Variants in AFAP1 observed in about 807,000 individuals in gnomAD.
AFAP1 encodes actin filament-associated protein 1.
A neutral mutation model predicts 93.9 loss-of-function variants in AFAP1; 75 were observed. The observed-to-expected ratio is 0.80, with a 90% CI of 0.66 to 0.97. The LOEUF is 0.97. Ranked by LOEUF, AFAP1 falls within the 50% of genes least tolerant of loss-of-function variation. The probability of loss-of-function intolerance (pLI) is 0.00; values close to 1 mark genes in which losing one functional copy is unlikely to be tolerated. For missense variants in AFAP1, 1,201 were observed against 1,050.8 expected (o/e 1.14, Z -1.98); for synonymous variants, 517 against 430.7 (o/e 1.20, Z -2.48).
At chr4:7,904,303 T>C (rs1000655922) in intron 1 of AFAP1, among the ~76,000 whole-genome samples, 1 of 152,058 alleles carries the variant, frequency 6.6e-6, no homozygotes, top group African/African-American at 2.4e-5. Flanking sequence ...TCTCCACACA[T>C]GACAGACAGG....
At chr4:7,786,373 G>T in intron 11 of AFAP1, 62 bp from the exon 12 acceptor site, 1 of 1,372,746 alleles carries the variant, frequency 7.3e-7, no homozygotes, top group Non-Finnish European at 1.0e-6. Context: ...AATCAGTCAA[G>T]TCTTTAATGA....
chr4:7,761,278 A>G lies in AFAP1; in HGVS notation c.*2487T>C, dbSNP rs1713752337. ...AAGGAACCCACTGTCAGGCCCCTCC[A>G]GGGCACCCATTTTGAAAGGCTCCAT... On this transcript the variant is annotated 3_prime_UTR_variant, in exon 18 of 18. Coordinates refer to ENST00000420658, the MANE Select transcript of AFAP1 (RefSeq NM_001134647.2). 1 of 152,264 alleles carries G rather than the reference A, an allele frequency of 6.6e-6. No homozygotes were observed. Among genetic ancestry groups the G allele is most frequent in the Admixed American group, 6.5e-5 (1 of 15,286 alleles). The allele number at this position is 152,264 out of a possible 1,614,324, so 9.4% of individuals were successfully genotyped here.
intron 1 of AFAP1, among the ~76,000 whole-genome samples, chr4:7,898,394 G>A (rs933179906): frequency 4.6e-5 from 7 of 151,850 alleles, no homozygotes. Flanking sequence ...GGTGACAAGA[G>A]TGAAACTCCA....
chr4:7,778,467 G>A (rs1716384634), intron 14 of AFAP1: 4 of 466,786 alleles, frequency 8.6e-6, no homozygotes, highest in Admixed American at 7.1e-5. Context: ...CTGGAGCCCA[G>A]GGCCACCCGG....
intron 11 of AFAP1, among the ~76,000 whole-genome samples, chr4:7,787,636 C>T (rs527568332): frequency 8.5e-5 from 13 of 152,270 alleles, no homozygotes; most frequent in Admixed American, 8.5e-4. Flanking sequence ...AAAGACCTGC[C>T]CGTTTAGTGG....
chr4:7,888,009 T>G lies in AFAP1; in HGVS notation c.-2-15929A>C, dbSNP rs765557770. ...GCCCGGCTAAGTTTTGTATTTTTGG[T>G]AGTGACATGGTTTCACCATGTTGGC... On this transcript the variant is annotated intron_variant, in intron 1 of 17. Coordinates refer to ENST00000420658, the MANE Select transcript of AFAP1 (RefSeq NM_001134647.2). Among the ~76,000 whole-genome samples, 473 of 152,258 alleles carry G rather than the reference T, an allele frequency of 3.1e-3. 6 individuals carry two copies. The highest frequency in any genetic ancestry group is 4.3e-3 in the Non-Finnish European group (292 of 68,006).
chr4:7,816,255 G>A lies in AFAP1; in HGVS notation c.823-156C>T, dbSNP rs564982626. 2.0e-5 allele frequency among the ~76,000 whole-genome samples: 3 copies of A among 152,136 alleles called. No homozygotes were observed. In the South Asian group the frequency reaches 6.2e-4, roughly 32 times the overall value. ...TTAGAGCTTAACTATAACAAAGACT[G>A]GCTGGTTAGGTGGCCACAACCGCTT... is the stretch of plus-strand genomic sequence containing the variant. On this transcript the variant is annotated intron_variant, in intron 7 of 17. Coordinates refer to ENST00000420658, the MANE Select transcript of AFAP1 (RefSeq NM_001134647.2).
At chr4:7,845,107 G>GT (rs1306276039) in intron 4 of AFAP1, among the ~76,000 whole-genome samples, 1 of 152,208 alleles carries the variant, frequency 6.6e-6, no homozygotes, top group Non-Finnish European at 1.5e-5. Flanking sequence ...TAGAGTTTAA[G>GT]TTGAATTTTC....
In AFAP1 at chr4:7,819,131, T is replaced by G; in HGVS notation, c.767A>C (p.Asp256Ala). The G allele has an allele frequency of 6.2e-7, 1 of 1,613,836 alleles. No homozygotes were observed. The highest frequency in any genetic ancestry group is 1.7e-4 in the Middle Eastern group (1 of 6,058). Residue 256 changes from aspartate (D) to alanine (A), a missense_variant, in exon 7 of 18, where the codon GAT becomes GCT. Physicochemically the swap from Asp to Ala is moderately radical, Grantham distance 126. Transcript: ENST00000420658. Reference protein sequence around the residue: ...EAYSGCSGPVDSECPPPPSSP... With the variant: ...EAYSGCSGPVASECPPPPSSP... Reference sequence around the variant, plus strand: ...GCTTGGTGGAGGAGGACACTCTGAATCCACGGGGCCACTACAACCACTGTA... The same window carrying G: ...GCTTGGTGGAGGAGGACACTCTGAAGCCACGGGGCCACTACAACCACTGTA...
chr4:7,765,237 A>G (rs1419757612), intron 17 of AFAP1, among the ~76,000 whole-genome samples: 2 of 152,100 alleles, frequency 1.3e-5, no homozygotes, highest in African/African-American at 2.4e-5. Context: ...CTGCCTCCCA[A>G]CAGGCCACAC....
chr4:7,815,087 A>C (rs977275202), intron 8 of AFAP1, among the ~76,000 whole-genome samples: 1 of 152,276 alleles, frequency 6.6e-6, no homozygotes, highest in Admixed American at 6.5e-5. Context: ...AAAAGGAAAG[A>C]AATTCTGACA....
At chr4:7,907,393 T>C (rs1719473510) in intron 1 of AFAP1, among the ~76,000 whole-genome samples, 1 of 152,174 alleles carries the variant, frequency 6.6e-6, no homozygotes, top group South Asian at 2.1e-4. Flanking sequence ...GGAAGATGAA[T>C]TGAAACCAGA....
chr4:7,864,269 C>T (rs1474514496), intron 3 of AFAP1, among the ~76,000 whole-genome samples: 2 of 152,216 alleles, frequency 1.3e-5, no homozygotes, highest in African/African-American at 4.8e-5. Flanking sequence ...CTGCAACGCT[C>T]CTAGTATAGC....
chr4:7,769,431 C>T (rs550815824), intron 16 of AFAP1, among the ~76,000 whole-genome samples: 5 of 152,366 alleles, frequency 3.3e-5, no homozygotes, highest in East Asian at 3.9e-4. Flanking sequence ...GCGGCACTCA[C>T]GGCAGCACTG....
chr4:7,768,266 C>G (rs1369263850), intron 17 of AFAP1, among the ~76,000 whole-genome samples: 2 of 152,230 alleles, frequency 1.3e-5, no homozygotes, highest in Non-Finnish European at 2.9e-5. Flanking sequence ...CTTTGATCAA[C>G]TACTGTGTTT....
intron 1 of AFAP1, among the ~76,000 whole-genome samples, chr4:7,892,862 A>G (rs1577339712): frequency 6.6e-6 from 1 of 152,116 alleles, no homozygotes; most frequent in Admixed American, 6.5e-5. Context: ...GGGGTGGGGG[A>G]TCCTATAGGA....
At chr4:7,847,960 G>A (rs569811199) in intron 4 of AFAP1, among the ~76,000 whole-genome samples, 3 of 151,922 alleles carry the variant, frequency 2.0e-5, no homozygotes, top group South Asian at 2.1e-4. Context: ...GACTCTCTAG[G>A]GAAACAGAAG....
rs761454425 is a variant in AFAP1 at position 7,772,829 on chromosome 4, C to T, written c.2244G>A (p.Ser748=). 5 of 1,613,858 alleles carry T rather than the reference C, an allele frequency of 3.1e-6. No homozygotes were observed. The highest frequency in any genetic ancestry group is 4.2e-6 in the Non-Finnish European group (5 of 1,179,918). ...CCAGAAGGACACACACCTGTGGACT[C>T]GATGTCCCTGACTTGGGCTCGATGG... is the stretch of plus-strand genomic sequence containing the variant. The part of the protein sequence containing the change: ...GLAIEPKSGT[S]SPQSPVFRHR... Residue 748 remains serine (S), a synonymous_variant, in exon 16 of 18, where the codon TCG becomes TCA. Transcript: ENST00000420658.
intron 6 of AFAP1, among the ~76,000 whole-genome samples, chr4:7,832,346 ATC>A (rs1342889980): frequency 6.6e-6 from 1 of 151,872 alleles, no homozygotes; most frequent in East Asian, 1.9e-4. Context: ...AAAAAAAAGC[ATC>A]TGTGTGTCCT....
Sources: gnomAD v4.1 joint callset for allele counts (sites outside exome capture counted in the v4.1 genomes callset) on GRCh38, gnomAD v4.1.1 for gene constraint, MANE v1.5 for transcripts, NCBI Gene and HGNC (gene_info 2026-07-23, HGNC 2026-07-21) for gene names.